TTC3: variants seen among roughly 807,000 people sequenced by gnomAD.
TTC3 encodes the protein E3 ubiquitin-protein ligase TTC3.
TTC3 carries 180 observed loss-of-function variants against 249.6 expected under a neutral mutation model. The observed-to-expected ratio is 0.72, with a 90% CI of 0.64 to 0.82. The LOEUF (loss-of-function observed/expected upper bound fraction) is 0.82, where lower values mean the gene tolerates loss of function less well. TTC3 is among the 40% of genes least tolerant of loss of function. TTC3 has a pLI of 0.00. For synonymous variants in TTC3, 717 were observed against 805.0 expected (o/e 0.89, Z 1.85); for missense variants, 2,061 against 2,398.4 (o/e 0.86, Z 2.94).
At chr21:37,091,064 G>T (rs551663975) in intron 6 of TTC3, among the ~76,000 whole-genome samples, 2 of 152,252 alleles carry the variant, frequency 1.3e-5, no homozygotes, top group South Asian at 4.1e-4. Flanking sequence ...AGCTCTGAGG[G>T]TGGCCTGAAG....
chr21:37,117,667 C>T (rs959325043), intron 11 of TTC3, among the ~76,000 whole-genome samples: 5 of 151,992 alleles, frequency 3.3e-5, no homozygotes, highest in African/African-American at 1.2e-4. Flanking sequence ...GGGCAGATCC[C>T]TTGAGTTCAA....
At chr21:37,171,006 C>T (rs993317017) in intron 34 of TTC3, among the ~76,000 whole-genome samples, 4 of 152,126 alleles carry the variant, frequency 2.6e-5, no homozygotes, top group African/African-American at 4.8e-5. Flanking sequence ...TCAGTAAATA[C>T]GATTTATAGC....
exon 44 of TTC3, chr21:37,197,962 G>T: frequency 3.1e-6 from 5 of 1,613,856 alleles, no homozygotes; most frequent in Non-Finnish European, 4.2e-6. Flanking sequence ...GCTCACCCTC[G>T]GTGGTTGTTG....
chr21:37,144,653 T>G lies in TTC3; in HGVS notation c.1893+8T>G. 1 of 1,603,258 alleles carries G rather than the reference T, an allele frequency of 6.2e-7. No individual in the cohort carries two copies. Among genetic ancestry groups the G allele is most frequent in the Non-Finnish European group, 8.5e-7 (1 of 1,175,976 alleles). ...CAGCCACAAAAAATAAAGGTAACCA[T>G]TTATTTTTGCAGAGTGTTTCTTACT... On this transcript the variant is annotated splice_region_variant and intron_variant, in intron 21 of 45. Coordinates refer to ENST00000355666, the Ensembl canonical transcript of TTC3.
At chr21:37,162,557 A>G (rs954067241) in intron 31 of TTC3, among the ~76,000 whole-genome samples, 1 of 152,236 alleles carries the variant, frequency 6.6e-6, no homozygotes, top group South Asian at 2.1e-4. Flanking sequence ...AAATAAAACT[A>G]GTGAGTAGCA....
At chr21:37,132,855 T>G in intron 17 of TTC3, 89 bp downstream of exon 17, 16 of 914,906 alleles carry the variant, frequency 1.7e-5, no homozygotes, top group Non-Finnish European at 1.7e-5. Context: ...TGTACATCTC[T>G]AAGTTTTTTT....
chr21:37,087,466 A>G (rs1169486461), intron 2 of TTC3, 65 bp downstream of exon 2: 22 of 1,577,116 alleles, frequency 1.4e-5, no homozygotes, highest in Non-Finnish European at 1.9e-5. Flanking sequence ...GTTTAGGGCT[A>G]TCTGAGTAAA....
intron 34 of TTC3, among the ~76,000 whole-genome samples, chr21:37,170,187 T>C (rs1164364837): frequency 6.6e-6 from 1 of 152,074 alleles, no homozygotes; most frequent in Non-Finnish European, 1.5e-5. Flanking sequence ...CATACACATA[T>C]CAAAACACAG....
intron 26 of TTC3, 43 bp from the exon 27 acceptor site, chr21:37,152,908 A>T: frequency 7.0e-7 from 1 of 1,437,856 alleles, no homozygotes; most frequent in African/African-American, 1.4e-5. Flanking sequence ...GTAATTGTGA[A>T]TTAGTCCTAT....
chr21:37,156,505 C>A, intron 27 of TTC3, 150 bp from the exon 28 acceptor site: 1 of 921,482 alleles, frequency 1.1e-6, no homozygotes, highest in Non-Finnish European at 1.6e-6. Flanking sequence ...TGCCCAATAG[C>A]TTGAACGAAT....
chr21:37,164,359 GAC>G, intron 32 of TTC3, 144 bp downstream of exon 32: 1 of 726,532 alleles, frequency 1.4e-6, no homozygotes, highest in Non-Finnish European at 2.1e-6. Context: ...TTTTTTTTGA[GAC>G]AGAGTCTTGC....
chr21:37,112,234 C>CA (rs1178165344), intron 11 of TTC3, among the ~76,000 whole-genome samples: 5 of 152,066 alleles, frequency 3.3e-5, no homozygotes, highest in South Asian at 2.1e-4. Flanking sequence ...AAAAACCCTT[C>CA]AAAAAATCAG....
rs376188471 is a variant in TTC3, at chr21:37,108,494, T to C, written c.900+48T>C. On this transcript the variant is annotated intron_variant, in intron 11 of 45. Coordinates refer to ENST00000355666, the Ensembl canonical transcript of TTC3. ...ATTGAGCAAATAATGCCATACAACA[T>C]TGTGAAAAATCTGTTTATAGGGTGT... 64 of 1,541,100 alleles carry C rather than the reference T, an allele frequency of 4.2e-5. No individual in the cohort carries two copies. In the African/African-American group the frequency reaches 7.9e-4, roughly 19 times the overall value.
chr21:37,081,109 CTTTTTTTTTTTTT>C lies in TTC3; in HGVS notation c.-11-6123_-11-6111del, dbSNP rs58809719. Among the ~76,000 whole-genome samples the C allele has an allele frequency of 2.2e-3, 129 of 58,200 alleles. 1 individual carries two copies. The highest frequency in any genetic ancestry group is 8.5e-3 in the African/African-American group (124 of 14,536). The allele number at this position is 58,200 out of a possible 152,430, so 38.2% of individuals were successfully genotyped here. Reference sequence around the variant, plus strand: ...AGTGTGCTGCCAGTTTTATTTATGCCTTTTTTTTTTTTTTTTTTTTTTTTTTTGAGGTGGAGTC... The same window carrying C: ...AGTGTGCTGCCAGTTTTATTTATGCCTTTTTTTTTTTTTTGAGGTGGAGTC... On this transcript the variant is annotated intron_variant, in intron 1 of 45. Transcript: ENST00000355666.
chr21:37,140,539 A>G (rs900355116), intron 19 of TTC3, 22 bp from the exon 20 acceptor site: 3 of 1,465,882 alleles, frequency 2.0e-6, no homozygotes, highest in Non-Finnish European at 2.8e-6. Flanking sequence ...GTAAGTGATC[A>G]TTGTTTTCAC....
At chr21:37,179,928 A>G (rs2835649) in intron 35 of TTC3, among the ~76,000 whole-genome samples, 80,962 of 152,070 alleles carry the variant, frequency 0.53, 22,176 homozygotes, top group African/African-American at 0.64. Context: ...TTGTGTTTTC[A>G]TGTTCTCTAT....
At chr21:37,091,136 T>C (rs3787786) in intron 6 of TTC3, among the ~76,000 whole-genome samples, 157 bp from the exon 7 acceptor site, 69,190 of 151,954 alleles carry the variant, frequency 0.46, 16,280 homozygotes, top group Non-Finnish European at 0.52. Context: ...TCAGAGTCTG[T>C]CTACTCTAAG....
chr21:37,141,394 TTA>T (rs1457892865), intron 20 of TTC3, among the ~76,000 whole-genome samples: 1 of 134,228 alleles, frequency 7.5e-6, no homozygotes, highest in Non-Finnish European at 1.6e-5. Context: ...AGGGGAAATT[TTA>T]TGAGATTTTG....
chr21:37,074,610 C>T (rs1017963686), intron 1 of TTC3, among the ~76,000 whole-genome samples: 1 of 152,130 alleles, frequency 6.6e-6, no homozygotes, highest in Admixed American at 6.5e-5. Flanking sequence ...GATTTTACTC[C>T]TCCGGAGAGA....
Sources: gnomAD v4.1 joint callset for allele counts (sites outside exome capture counted in the v4.1 genomes callset) on GRCh38, gnomAD v4.1.1 for gene constraint, MANE v1.5 for transcripts, NCBI Gene and HGNC (gene_info 2026-07-23, HGNC 2026-07-21) for gene names.